The following DHRSX variants were observed in gnomAD, a reference collection of about 807,000 sequenced individuals.
DHRSX encodes the protein dehydrogenase/reductase X-linked.
A neutral mutation model predicts 34.0 loss-of-function variants in DHRSX; 31 were observed. The ratio of observed to expected loss-of-function variants is 0.91; its 90% confidence interval spans 0.69 to 1.23. DHRSX has a LOEUF of 1.23. Ranked by LOEUF, DHRSX falls within the 50% of genes most tolerant of loss-of-function variation. The pLI, the probability that DHRSX is intolerant of heterozygous loss-of-function variation, is 0.00. For missense variants in DHRSX, 414 were observed against 428.1 expected, an observed-to-expected ratio of 0.97 and a Z score of 0.29; for synonymous variants, 201 against 183.8, an observed-to-expected ratio of 1.09 and a Z score of -0.76.
chrX:2,286,540 C>T (rs2041807294), intron 4 of DHRSX, among the ~76,000 whole-genome samples: 1 of 152,164 alleles, frequency 6.6e-6, no homozygotes, highest in South Asian at 2.1e-4. Context: ...GGTTCTGTTG[C>T]ATTTCCAAGA....
At chrX:2,276,334 T>A (rs1418083749) in intron 4 of DHRSX, among the ~76,000 whole-genome samples, 1 of 152,134 alleles carries the variant, frequency 6.6e-6, no homozygotes, top group Non-Finnish European at 1.5e-5. Context: ...GCCGTCCACG[T>A]TAGGAGCATT....
chrX:2,465,655 A>G (rs1004902759), intron 1 of DHRSX, among the ~76,000 whole-genome samples: 11 of 151,586 alleles, frequency 7.3e-5, no homozygotes, highest in African/African-American at 2.7e-4. Flanking sequence ...TACAAAAAAA[A>G]AGAAAAATCA....
intron 3 of DHRSX, among the ~76,000 whole-genome samples, chrX:2,371,435 A>T (rs1227825314): frequency 0.034 from 1,654 of 48,306 alleles, 48 homozygotes; most frequent in African/African-American, 0.12. Flanking sequence ...GTTACCACAG[A>T]CCCTCCTTTC....
At chrX:2,241,096 A>G (rs2016130821) in intron 6 of DHRSX, among the ~76,000 whole-genome samples, 1 of 152,158 alleles carries the variant, frequency 6.6e-6, no homozygotes, top group Non-Finnish European at 1.5e-5. Flanking sequence ...AGGCAGGAGA[A>G]TCACTTGAAC....
At chrX:2,438,544 G>A (rs1446246597) in intron 1 of DHRSX, among the ~76,000 whole-genome samples, 3 of 151,556 alleles carry the variant, frequency 2.0e-5, no homozygotes, top group Non-Finnish European at 2.9e-5. Context: ...GATGGCTGGC[G>A]CCTGTAATCC....
intron 2 of DHRSX, among the ~76,000 whole-genome samples, chrX:2,419,411 G>A (rs952926382): frequency 9.9e-5 from 15 of 152,064 alleles, no homozygotes; most frequent in Admixed American, 7.9e-4. Context: ...TCAGTGTGGC[G>A]ATTCCTCAGG....
intron 2 of DHRSX, among the ~76,000 whole-genome samples, chrX:2,416,520 T>A (rs2043695303): frequency 6.6e-6 from 1 of 152,150 alleles, no homozygotes; most frequent in South Asian, 2.1e-4. Flanking sequence ...TACAGCAACA[T>A]AGACTTTCCT....
chrX:2,232,469 C>A (rs2015918205), intron 6 of DHRSX, among the ~76,000 whole-genome samples: 1 of 152,098 alleles, frequency 6.6e-6, no homozygotes, highest in South Asian at 2.1e-4. Flanking sequence ...GGTCTGGGGT[C>A]CTCACGCTTA....
chrX:2,499,262 T>G (rs2045353445), intron 1 of DHRSX, among the ~76,000 whole-genome samples: 1 of 152,158 alleles, frequency 6.6e-6, no homozygotes, highest in Non-Finnish European at 1.5e-5. Context: ...GCCATGAAAC[T>G]GTCTACAGAG....
At chrX:2,425,147 A>C (rs745654383) in intron 2 of DHRSX, 50 bp downstream of exon 2, 25 of 1,487,772 alleles carry the variant, frequency 1.7e-5, no homozygotes, top group Admixed American at 3.8e-5. Flanking sequence ...TCTCAGAAAA[A>C]AAAAAAAACC....
chrX:2,468,871 C>A (rs374519620), intron 1 of DHRSX, among the ~76,000 whole-genome samples: 1 of 151,450 alleles, frequency 6.6e-6, no homozygotes. Context: ...CCGCCATGTA[C>A]ACACTGAAGA....
chrX:2,456,031 T>C, intron 1 of DHRSX, among the ~76,000 whole-genome samples: 1 of 151,968 alleles, frequency 6.6e-6, no homozygotes, highest in South Asian at 2.1e-4. Context: ...TAGCATCCAC[T>C]GCAAAGCTCC....
chrX:2,294,038 G>A (rs1445553548), intron 3 of DHRSX, among the ~76,000 whole-genome samples: 1 of 146,216 alleles, frequency 6.8e-6, no homozygotes, highest in East Asian at 2.0e-4. Flanking sequence ...ATGAGAAAGA[G>A]AGAGATAGAA....
At chrX:2,373,752 A>G (rs1252398897) in intron 3 of DHRSX, among the ~76,000 whole-genome samples, 1 of 152,152 alleles carries the variant, frequency 6.6e-6, no homozygotes, top group Admixed American at 6.5e-5. Flanking sequence ...TCGCACCCAC[A>G]TAGAGTTTGC....
chrX:2,257,927 G>A (rs1382300767), intron 5 of DHRSX, among the ~76,000 whole-genome samples: 3 of 151,978 alleles, frequency 2.0e-5, no homozygotes, highest in South Asian at 2.1e-4. Context: ...ATGCCCGGCC[G>A]GAGATGGGGT....
chrX:2,460,582 C>CTTT (rs71281906), intron 1 of DHRSX, among the ~76,000 whole-genome samples: 5 of 111,910 alleles, frequency 4.5e-5, no homozygotes, highest in African/African-American at 1.1e-4. Flanking sequence ...CCACGTCTGG[C>CTTT]TTTTTTTTTT....
chrX:2,351,665 C>G (rs1054044588), intron 3 of DHRSX, among the ~76,000 whole-genome samples: 8 of 152,152 alleles, frequency 5.3e-5, no homozygotes, highest in African/African-American at 1.9e-4. Flanking sequence ...GCTGATGATG[C>G]ATTGGGAGTT....
At chrX:2,270,072 T>G (rs1308910284) in intron 4 of DHRSX, among the ~76,000 whole-genome samples, 1 of 152,178 alleles carries the variant, frequency 6.6e-6, no homozygotes, top group Non-Finnish European at 1.5e-5. Context: ...TGTATACATT[T>G]TTTGAGGTAC....
intron 6 of DHRSX, among the ~76,000 whole-genome samples, chrX:2,229,764 TG>T (rs2015824892): frequency 6.6e-6 from 1 of 151,906 alleles, no homozygotes; most frequent in Admixed American, 6.6e-5. Flanking sequence ...TGCATGTGTG[TG>T]GGGGCGCAGA....
Sources: allele counts gnomAD v4.1 joint callset (sites outside exome capture counted in the v4.1 genomes callset), GRCh38; gene constraint gnomAD v4.1.1; transcripts MANE v1.5; gene names NCBI Gene and HGNC (gene_info 2026-07-23, HGNC 2026-07-21).